Variants in SOX6 observed in about 807,000 individuals in gnomAD.
The protein encoded by SOX6 is SRY-box transcription factor 6, also known as transcription factor SOX-6.
In SOX6, 11 loss-of-function variants were observed where a neutral mutation model predicts 97.8. That is an observed-to-expected ratio of 0.11 (90% CI 0.07 to 0.19). SOX6 has a LOEUF of 0.19. Among genes scored for constraint, SOX6 ranks in the 10% least tolerant of loss-of-function variants. The probability of loss-of-function intolerance (pLI) is 1.00; values close to 1 mark genes in which losing one functional copy is unlikely to be tolerated. For missense variants in SOX6, 810 were observed against 1,039.5 expected (o/e 0.78, Z 3.04); for synonymous variants, 360 against 371.4 (o/e 0.97, Z 0.35).
intron 15 of SOX6, among the ~76,000 whole-genome samples, chr11:15,974,827 T>C (rs1029940346): frequency 1.3e-5 from 2 of 152,084 alleles, no homozygotes; most frequent in Non-Finnish European, 2.9e-5. Context: ...ACATAACATA[T>C]AAAATATTTT....
In SOX6 at chr11:16,212,775, TA is replaced by T. The variant is rs144510537; in HGVS notation, c.535+21806del. On this transcript the variant is annotated intron_variant, in intron 4 of 15. Coordinates refer to ENST00000683767, the MANE Select transcript of SOX6 (RefSeq NM_001367873.1). ...ATCCGATGGATGCAAAATGGCGTCT[TA>T]TTTTTTCTTTAATTTGCATTTCCCT... 5.1e-4 allele frequency among the ~76,000 whole-genome samples: 78 copies of T among 152,284 alleles called. No homozygotes were observed. In the East Asian group the frequency reaches 0.013, roughly 25 times the overall value.
chr11:16,364,379 T>C (rs957145714), intron 1 of SOX6, among the ~76,000 whole-genome samples: 4 of 152,164 alleles, frequency 2.6e-5, no homozygotes, highest in Non-Finnish European at 5.9e-5. Context: ...GCCTATCTAC[T>C]AGCCTAGCTG....
intron 1 of SOX6, among the ~76,000 whole-genome samples, chr11:16,424,597 T>C (rs1049434111): frequency 2.0e-5 from 3 of 152,080 alleles, no homozygotes; most frequent in African/African-American, 7.2e-5. Context: ...CATTTCTTCC[T>C]CTGAGAAAAA....
At chr11:16,237,345 G>A (rs1027550326) in intron 3 of SOX6, among the ~76,000 whole-genome samples, 2 of 151,918 alleles carry the variant, frequency 1.3e-5, no homozygotes, top group Non-Finnish European at 1.5e-5. Context: ...CCACCAAAAG[G>A]TTCCTGATTT....
chr11:16,641,713 A>G (rs929977035), intron 3 of SOX6, among the ~76,000 whole-genome samples: 5 of 152,162 alleles, frequency 3.3e-5, no homozygotes, highest in African/African-American at 1.2e-4. Flanking sequence ...GTTTTATCAG[A>G]GACTAAGATT....
intron 1 of SOX6, among the ~76,000 whole-genome samples, chr11:16,406,790 T>A (rs1463713524): frequency 6.6e-6 from 1 of 152,162 alleles, no homozygotes; most frequent in Admixed American, 6.6e-5. Flanking sequence ...CAAGGTCATT[T>A]GATGACTCCC....
Position 15,974,353 on chromosome 11 carries a change from TTTTG to T in SOX6, c.2184-1245_2184-1242del, listed in dbSNP as rs1290336775. On this transcript the variant is annotated intron_variant, in intron 15 of 15. Transcript: ENST00000683767. Reference sequence around the variant, plus strand: ...TAGCTTAGCTACCTGCCATTCTTTTTTTTGTTTTTTTCTGTTAGCTCTCTCTTTT... The same window carrying T: ...TAGCTTAGCTACCTGCCATTCTTTTTTTTTTTTCTGTTAGCTCTCTCTTTT... Among the ~76,000 whole-genome samples the T allele has an allele frequency of 2.5e-4, 37 of 147,522 alleles. 1 individual carries two copies. Among genetic ancestry groups the T allele is most frequent in the Admixed American group, 8.3e-4 (12 of 14,434 alleles).
Position 16,499,523 on chromosome 11 carries a change from T to A in SOX6, n.610-23135A>T, listed in dbSNP as rs150565029. On this transcript the variant is annotated intron_variant and non_coding_transcript_variant, in intron 4 of 5. Coordinates refer to the SOX6 transcript ENST00000524520. ...TCAAAAAATCAATGAATCCAGGAGCTGGTTTTTTGAAAAGATCAACGAAAT... is the reference window on the plus strand; with the variant it reads ...TCAAAAAATCAATGAATCCAGGAGCAGGTTTTTTGAAAAGATCAACGAAAT... Among the ~76,000 whole-genome samples the A allele has an allele frequency of 9.0e-3, 1,364 of 152,252 alleles. 20 individuals are homozygous for A. Among genetic ancestry groups the A allele is most frequent in the African/African-American group, 0.031 (1,303 of 41,530 alleles).
intron 1 of SOX6, among the ~76,000 whole-genome samples, chr11:16,432,170 T>C (rs938124809): frequency 1.3e-5 from 2 of 152,080 alleles, no homozygotes; most frequent in African/African-American, 4.8e-5. Flanking sequence ...GTTACCTTCA[T>C]TGATAGAGAT....
intron 4 of SOX6, among the ~76,000 whole-genome samples, chr11:16,210,650 C>T (rs535521540): frequency 1.8e-4 from 27 of 152,218 alleles, no homozygotes; most frequent in African/African-American, 6.0e-4. Flanking sequence ...AGTCAGGATA[C>T]GAAGACAGAA....
intron 3 of SOX6, among the ~76,000 whole-genome samples, chr11:16,621,809 CCT>C (rs1201086409): frequency 6.6e-6 from 1 of 152,124 alleles, no homozygotes; most frequent in East Asian, 1.9e-4. Context: ...TAAAAGCATT[CCT>C]CATAGGAGAC....
At chr11:16,440,300 C>A (rs186732846) in intron 1 of SOX6, among the ~76,000 whole-genome samples, 2 of 152,282 alleles carry the variant, frequency 1.3e-5, no homozygotes, top group Admixed American at 6.5e-5. Context: ...TTAATTTCCT[C>A]ATTTTTCAAA....
At chr11:16,254,892 C>A (rs1853637796) in intron 3 of SOX6, among the ~76,000 whole-genome samples, 2 of 151,706 alleles carry the variant, frequency 1.3e-5, no homozygotes, top group South Asian at 4.1e-4. Context: ...AACCACTTTA[C>A]ATATAAAGAT....
intron 1 of SOX6, among the ~76,000 whole-genome samples, chr11:16,462,885 G>A (rs1232210242): frequency 6.6e-6 from 1 of 152,202 alleles, no homozygotes; most frequent in African/African-American, 2.4e-5. Context: ...CACTCTCTTT[G>A]AGTAGGAGAA....
intron 4 of SOX6, among the ~76,000 whole-genome samples, chr11:16,494,511 T>C (rs1476093889): frequency 6.6e-6 from 1 of 152,230 alleles, no homozygotes; most frequent in Non-Finnish European, 1.5e-5. Context: ...AAAGTACCAT[T>C]TGTGTTAAGG....
intron 12 of SOX6, among the ~76,000 whole-genome samples, chr11:16,022,947 C>A (rs1331364538): frequency 6.6e-6 from 1 of 152,118 alleles, no homozygotes; most frequent in Non-Finnish European, 1.5e-5. Context: ...CTCCCTGTTA[C>A]AATAAAATGG....
chr11:16,061,056 A>G (rs1847937218), intron 9 of SOX6, among the ~76,000 whole-genome samples: 4 of 151,804 alleles, frequency 2.6e-5, no homozygotes, highest in African/African-American at 9.7e-5. Context: ...GTACATCATT[A>G]TATTTATTAT....
intron 9 of SOX6, among the ~76,000 whole-genome samples, chr11:16,088,520 G>A (rs1389801176): frequency 1.3e-5 from 2 of 151,938 alleles, no homozygotes; most frequent in Non-Finnish European, 2.9e-5. Flanking sequence ...CCATAGTTGC[G>A]CCCTTTCCAG....
intron 6 of SOX6, among the ~76,000 whole-genome samples, chr11:16,176,283 A>G (rs1300693552): frequency 6.6e-6 from 1 of 151,906 alleles, no homozygotes; most frequent in Non-Finnish European, 1.5e-5. Flanking sequence ...TGTATCCAAG[A>G]CCAATTAAAT....
Sources: allele counts gnomAD v4.1 joint callset (sites outside exome capture counted in the v4.1 genomes callset), GRCh38; gene constraint gnomAD v4.1.1; transcripts MANE v1.5; gene names NCBI Gene and HGNC (gene_info 2026-07-23, HGNC 2026-07-21).